Variants in VSTM2L observed in about 807,000 individuals in gnomAD.
VSTM2L encodes V-set and transmembrane domain containing 2 like, also known as V-set and transmembrane domain-containing protein 2-like protein.
Under a neutral mutation model 19.9 loss-of-function variants are expected in VSTM2L, and 9 were observed. The ratio of observed to expected loss-of-function variants is 0.45; its 90% confidence interval spans 0.27 to 0.79. The LOEUF is 0.79. Ranked by LOEUF, VSTM2L falls within the 30% of genes least tolerant of loss-of-function variation. The pLI is 0.15. For missense variants in VSTM2L, 286 were observed against 295.5 expected (o/e 0.97, Z 0.24); for synonymous variants, 127 against 133.8 (o/e 0.95, Z 0.35).
chr20:37,926,287 C>T (rs2072878776), intron 1 of VSTM2L, among the ~76,000 whole-genome samples: 1 of 152,216 alleles, frequency 6.6e-6, no homozygotes. Flanking sequence ...GTCTTGAACT[C>T]CTGACCTCAA....
In VSTM2L at chr20:37,944,477, C is replaced by T. The variant is rs892339211; in HGVS notation, c.*224C>T. 104 of 1,244,372 alleles carry T rather than the reference C, an allele frequency of 8.4e-5. No homozygotes were observed. Among genetic ancestry groups the T allele is most frequent in the Middle Eastern group, 3.0e-4 (1 of 3,330 alleles). 77.1% of individuals were successfully genotyped at this position (1,244,372 alleles called of 1,614,324 possible). A position where few individuals can be genotyped will look rare whatever the true frequency, so the allele number is the denominator to read the frequency against. On this transcript the variant is annotated 3_prime_UTR_variant, in exon 4 of 4. Transcript: ENST00000373461. ...CGGTGACCTGGCTCGGAGAAGGTGG[C>T]CCTGGGCACCAAGGGGCCAACCGCC...
Position 37,903,161 on chromosome 20 carries a change from T to A in VSTM2L, c.-190T>A. On this transcript the variant is annotated 5_prime_UTR_variant, in exon 1 of 4. Coordinates refer to ENST00000373461, the MANE Select transcript of VSTM2L (RefSeq NM_080607.3). Reference sequence around the variant, plus strand: ...GGCGGCCGGCTGGGCGTGCGCTCGCTCCCCGAAGCCGGGGCTGGGCCGGAG... The same window carrying A: ...GGCGGCCGGCTGGGCGTGCGCTCGCACCCCGAAGCCGGGGCTGGGCCGGAG... 1 of 735,340 alleles carries A rather than the reference T, an allele frequency of 1.4e-6. No homozygotes were observed. The highest frequency in any genetic ancestry group is 1.8e-6 in the Non-Finnish European group (1 of 550,810). 45.6% of individuals were successfully genotyped at this position (735,340 alleles called of 1,614,324 possible).
In VSTM2L at chr20:37,926,733, A is replaced by G. The variant is rs527835930; in HGVS notation, c.122-4902A>G. On this transcript the variant is annotated intron_variant, in intron 1 of 3. Transcript: ENST00000373461. ...GCTGGTTTCAAATCCAGACTCTACT[A>G]TGTGGCCGTGGAAGGGTTACTCCCT... Among the ~76,000 whole-genome samples the G allele has an allele frequency of 2.6e-5, 4 of 152,246 alleles. No homozygotes were observed. The East Asian group carries it at 5.8e-4, about 22-fold the overall frequency.
chr20:37,938,876 G>A (rs926854010), intron 3 of VSTM2L, among the ~76,000 whole-genome samples: 19 of 152,114 alleles, frequency 1.2e-4, no homozygotes, highest in East Asian at 5.8e-4. Context: ...GCCCCCTCCC[G>A]TGGGAGAGGC....
At chr20:37,912,910 T>G (rs2072789079) in intron 1 of VSTM2L, among the ~76,000 whole-genome samples, 2 of 152,146 alleles carry the variant, frequency 1.3e-5, no homozygotes, top group Non-Finnish European at 2.9e-5. Context: ...CCTCTCTATC[T>G]CTGTCTTTCG....
intron 1 of VSTM2L, among the ~76,000 whole-genome samples, chr20:37,917,655 C>T (rs1027117845): frequency 2.0e-5 from 3 of 152,230 alleles, no homozygotes; most frequent in East Asian, 1.9e-4. Flanking sequence ...GCATCCTCAC[C>T]GTAAATCCTG....
chr20:37,925,592 C>T (rs1002088598), intron 1 of VSTM2L, among the ~76,000 whole-genome samples: 3 of 152,184 alleles, frequency 2.0e-5, no homozygotes, highest in South Asian at 4.1e-4. Flanking sequence ...CCAGATTTGT[C>T]GTCAGATGCC....
At chr20:37,943,268 C>T (rs1435447077) in intron 3 of VSTM2L, among the ~76,000 whole-genome samples, 1 of 151,278 alleles carries the variant, frequency 6.6e-6, no homozygotes, top group African/African-American at 2.4e-5. Context: ...CATGAGCCAC[C>T]GCACTTGGCC....
At chr20:37,928,085 C>T (rs1225808251) in intron 1 of VSTM2L, among the ~76,000 whole-genome samples, 3 of 152,200 alleles carry the variant, frequency 2.0e-5, no homozygotes, top group African/African-American at 4.8e-5. Flanking sequence ...AGGCCACAGC[C>T]GTGTCCCTCC....
At chr20:37,942,953 T>C (rs2072981355) in intron 3 of VSTM2L, among the ~76,000 whole-genome samples, 1 of 152,216 alleles carries the variant, frequency 6.6e-6, no homozygotes. Flanking sequence ...TTTTTTATTA[T>C]GTTATTTTAT....
chr20:37,916,998 C>T (rs73096423), intron 1 of VSTM2L, among the ~76,000 whole-genome samples: 40,977 of 151,974 alleles, frequency 0.27, 7,212 homozygotes, highest in African/African-American at 0.5. Context: ...GCACTAGATG[C>T]GACTCAATTG....
intron 3 of VSTM2L, among the ~76,000 whole-genome samples, chr20:37,942,995 C>T (rs948868068): frequency 6.6e-5 from 10 of 152,152 alleles, no homozygotes; most frequent in African/African-American, 2.4e-4. Flanking sequence ...GACGGAGTCT[C>T]GCGCTGTCGC....
At chr20:37,924,384 C>T (rs1378677179) in intron 1 of VSTM2L, among the ~76,000 whole-genome samples, 3 of 151,992 alleles carry the variant, frequency 2.0e-5, no homozygotes, top group African/African-American at 7.3e-5. Flanking sequence ...GAAACTCCAT[C>T]TCTACTAAAA....
At chr20:37,925,815 A>G (rs1298847605) in intron 1 of VSTM2L, among the ~76,000 whole-genome samples, 1 of 152,160 alleles carries the variant, frequency 6.6e-6, no homozygotes, top group Non-Finnish European at 1.5e-5. Context: ...CTTGGCTCCC[A>G]TGAGGCCTTG....
intron 1 of VSTM2L, among the ~76,000 whole-genome samples, chr20:37,914,840 C>G (rs2072807959): frequency 6.6e-6 from 1 of 152,196 alleles, no homozygotes; most frequent in Non-Finnish European, 1.5e-5. Context: ...GTTCCCCCAG[C>G]CCGGCATTTT....
chr20:37,924,870 GT>G (rs2072871583), intron 1 of VSTM2L, among the ~76,000 whole-genome samples: 1 of 152,208 alleles, frequency 6.6e-6, no homozygotes, highest in Non-Finnish European at 1.5e-5. Context: ...ATGCGGAAGT[GT>G]GGAGCCTAGC....
At chr20:37,922,950 G>A (rs1390988847) in intron 1 of VSTM2L, among the ~76,000 whole-genome samples, 6 of 149,302 alleles carry the variant, frequency 4.0e-5, no homozygotes, top group Admixed American at 2.0e-4. Context: ...CTGATGAGGC[G>A]ACAAGGAAGC....
At chr20:37,941,198 C>T (rs1055675745) in intron 3 of VSTM2L, among the ~76,000 whole-genome samples, 2 of 152,110 alleles carry the variant, frequency 1.3e-5, no homozygotes, top group African/African-American at 4.8e-5. Flanking sequence ...ATGGAGGGTA[C>T]GGTTTAGCCA....
intron 3 of VSTM2L, among the ~76,000 whole-genome samples, chr20:37,938,822 T>C (rs1185959538): frequency 6.6e-6 from 1 of 152,212 alleles, no homozygotes; most frequent in Non-Finnish European, 1.5e-5. Flanking sequence ...GCATAATGTG[T>C]GGTGGATGAA....
Sources: allele counts gnomAD v4.1 joint callset (sites outside exome capture counted in the v4.1 genomes callset), GRCh38; gene constraint gnomAD v4.1.1; transcripts MANE v1.5; gene names NCBI Gene and HGNC (gene_info 2026-07-23, HGNC 2026-07-21).